ADGRV1: variants seen among roughly 807,000 people sequenced by gnomAD.
ADGRV1 encodes G-protein coupled receptor 98.
Under a neutral mutation model 596.2 loss-of-function variants are expected in ADGRV1, and 359 were observed. The observed-to-expected ratio is 0.60, with a 90% CI of 0.55 to 0.66. ADGRV1 has a LOEUF of 0.66. Ranked by LOEUF, ADGRV1 falls within the 30% of genes least tolerant of loss-of-function variation. The pLI is 0.00. For synonymous variants in ADGRV1, 2,681 were observed against 2,679.2 expected (o/e 1.00, Z -0.02); for missense variants, 7,274 against 7,575.6 (o/e 0.96, Z 1.48).
At chr5:90,860,267 G>A (rs1242763190) in intron 82 of ADGRV1, among the ~76,000 whole-genome samples, 2 of 151,766 alleles carry the variant, frequency 1.3e-5, no homozygotes, top group Admixed American at 6.6e-5. Context: ...CTTTTATACT[G>A]TAAAATGCTT....
At position 90,664,598 on chromosome 5, in the gene ADGRV1, C is replaced by T. The variant is rs1338881465; in HGVS notation, c.4752+6320C>T. Among the ~76,000 whole-genome samples, 11 of 136,352 alleles carry T rather than the reference C, an allele frequency of 8.1e-5. No homozygotes were observed. The South Asian group carries it at 2.0e-3, about 25-fold the overall frequency. The allele number at this position is 136,352 out of a possible 152,430, so 89.5% of individuals were successfully genotyped here. ...ACTTCCTCTTTTCCTAATTGAATAC[C>T]GTTTATTTCCTTCTCCTGCCTAATT... On this transcript the variant is annotated intron_variant, in intron 21 of 89. Transcript: ENST00000405460.
intron 50 of ADGRV1, among the ~76,000 whole-genome samples, chr5:90,731,849 T>C (rs1412003312): frequency 6.6e-6 from 1 of 152,182 alleles, no homozygotes; most frequent in Non-Finnish European, 1.5e-5. Flanking sequence ...ATGACAGCAA[T>C]ATACTCATTA....
At chr5:90,748,812 A>G (rs1468021041) in intron 52 of ADGRV1, among the ~76,000 whole-genome samples, 3 of 75,582 alleles carry the variant, frequency 4.0e-5, no homozygotes, top group East Asian at 9.8e-4. Flanking sequence ...TCTATCATCA[A>G]GTTTTTTTTT....
intron 9 of ADGRV1, among the ~76,000 whole-genome samples, chr5:90,634,762 T>C (rs1269517243): frequency 3.9e-5 from 6 of 152,092 alleles, no homozygotes; most frequent in Admixed American, 3.9e-4. Flanking sequence ...TTTTGGATAT[T>C]GTATATGTAA....
chr5:91,056,875 G>A (rs1452989288), intron 85 of ADGRV1, among the ~76,000 whole-genome samples: 6 of 152,094 alleles, frequency 3.9e-5, no homozygotes, highest in East Asian at 1.9e-4. Context: ...AAAATCGCTC[G>A]AATTTACTTT....
chr5:91,142,046 C>T (rs1795142025), intron 87 of ADGRV1, among the ~76,000 whole-genome samples: 1 of 152,174 alleles, frequency 6.6e-6, no homozygotes, highest in Non-Finnish European at 1.5e-5. Flanking sequence ...GCACATGTTA[C>T]ATGTTGCAAC....
chr5:90,867,702 G>A (rs1179496703), intron 83 of ADGRV1, among the ~76,000 whole-genome samples: 1 of 152,104 alleles, frequency 6.6e-6, no homozygotes, highest in African/African-American at 2.4e-5. Flanking sequence ...TGTTGAGATT[G>A]CCAACTCAAG....
At chr5:90,568,607 A>G (rs1755964239) in intron 1 of ADGRV1, among the ~76,000 whole-genome samples, 1 of 152,170 alleles carries the variant, frequency 6.6e-6, no homozygotes, top group South Asian at 2.1e-4. Context: ...GAAGTGTTCT[A>G]TAGATGTGTA....
At position 90,848,919 on chromosome 5, in the gene ADGRV1, T is replaced by G. The variant is rs76005709; in HGVS notation, c.17204+98T>G. On this transcript the variant is annotated intron_variant, in intron 79 of 89. Coordinates refer to ENST00000405460, the MANE Select transcript of ADGRV1 (RefSeq NM_032119.4). ...CAAAATGACATTTAGATGATGTAAC[T>G]AAGAATGATACAGTCAATGCATTGT... 5,836 of 819,304 alleles carry G rather than the reference T, an allele frequency of 7.1e-3. 38 individuals are homozygous for G. The highest frequency in any genetic ancestry group is 8.7e-3 in the Non-Finnish European group (4,629 of 534,450). 50.8% of individuals were successfully genotyped at this position (819,304 alleles called of 1,614,324 possible). A position where few individuals can be genotyped will look rare whatever the true frequency, so the allele number is the denominator to read the frequency against.
intron 83 of ADGRV1, among the ~76,000 whole-genome samples, chr5:90,950,599 G>A (rs369365654): frequency 8.9e-4 from 136 of 152,284 alleles, no homozygotes; most frequent in African/African-American, 3.2e-3. Context: ...TGGGATTACA[G>A]GCATGAGCCA....
chr5:90,840,031 A>G (rs1226086857), intron 77 of ADGRV1, among the ~76,000 whole-genome samples: 6 of 152,212 alleles, frequency 3.9e-5, no homozygotes, highest in Non-Finnish European at 8.8e-5. Flanking sequence ...TTTTTCCAAG[A>G]AAACTTTTCA....
chr5:91,160,293 T>G (rs1796835468), intron 89 of ADGRV1, among the ~76,000 whole-genome samples: 1 of 152,198 alleles, frequency 6.6e-6, no homozygotes, highest in African/African-American at 2.4e-5. Context: ...CAAGAACTTA[T>G]GCAGCCCAGT....
At chr5:91,155,566 A>C (rs1453098949) in intron 89 of ADGRV1, among the ~76,000 whole-genome samples, 2 of 152,224 alleles carry the variant, frequency 1.3e-5, no homozygotes, top group Non-Finnish European at 2.9e-5. Context: ...AGAGATTCAC[A>C]ATTCACATTA....
At chr5:91,059,459 A>G (rs567915627) in intron 85 of ADGRV1, among the ~76,000 whole-genome samples, 12 of 152,246 alleles carry the variant, frequency 7.9e-5, no homozygotes, top group African/African-American at 2.9e-4. Context: ...TTATACCCTC[A>G]ACAGCAAGAT....
At position 90,653,953 on chromosome 5, in the gene ADGRV1, G is replaced by A; in HGVS notation, c.4378+1G>A. ...CTGAAAGGAGAAGCCATTACTGACG[G>A]TGAGGGTCATCATCACAACTAGGAC... On this transcript the variant is annotated splice_donor_variant, in intron 20 of 89. Transcript: ENST00000405460. LOFTEE classifies it high-confidence loss of function. 1.3e-6 allele frequency: 2 copies of A among 1,554,104 alleles called. No homozygotes were observed. The highest frequency in any genetic ancestry group is 1.7e-6 in the Non-Finnish European group (2 of 1,148,064).
intron 86 of ADGRV1, among the ~76,000 whole-genome samples, chr5:91,075,806 CA>C (rs34225153): frequency 0.016 from 2,438 of 151,772 alleles, 71 homozygotes; most frequent in African/African-American, 0.055. Context: ...CTCATTGCCC[CA>C]AAAAAAAGTC....
chr5:90,619,865 C>G (rs1763832306), intron 4 of ADGRV1, among the ~76,000 whole-genome samples: 1 of 149,924 alleles, frequency 6.7e-6, no homozygotes, highest in South Asian at 2.1e-4. Context: ...GGTTTTTTGT[C>G]CTTGCGATAG....
At chr5:90,795,374 C>G (rs904480644) in intron 70 of ADGRV1, among the ~76,000 whole-genome samples, 2 of 152,204 alleles carry the variant, frequency 1.3e-5, no homozygotes, top group African/African-American at 4.8e-5. Context: ...ACAGTGTAAA[C>G]AAAGCCAACA....
At chr5:90,757,609 T>TA (rs908422192) in intron 57 of ADGRV1, among the ~76,000 whole-genome samples, 4 of 152,150 alleles carry the variant, frequency 2.6e-5, no homozygotes, top group Admixed American at 1.3e-4. Flanking sequence ...CCTTTATAAT[T>TA]AAAAAAATTG....
Sources: gnomAD v4.1 joint callset for allele counts (sites outside exome capture counted in the v4.1 genomes callset) on GRCh38, gnomAD v4.1.1 for gene constraint, MANE v1.5 for transcripts, NCBI Gene and HGNC (gene_info 2026-07-23, HGNC 2026-07-21) for gene names.